Variants in KDM4C observed in about 807,000 individuals in gnomAD.
KDM4C encodes lysine demethylase 4C.
Under a neutral mutation model 129.3 loss-of-function variants are expected in KDM4C, and 81 were observed. The observed-to-expected ratio is 0.63, with a 90% CI of 0.52 to 0.75. The LOEUF (loss-of-function observed/expected upper bound fraction) is 0.75, where lower values mean the gene tolerates loss of function less well. Among genes scored for constraint, KDM4C ranks in the 30% least tolerant of loss-of-function variants. The pLI, the probability that KDM4C is intolerant of heterozygous loss-of-function variation, is 0.00. For missense variants in KDM4C, 1,457 were observed against 1,304.0 expected, an observed-to-expected ratio of 1.12 and a Z score of -1.81; for synonymous variants, 573 against 456.1, an observed-to-expected ratio of 1.26 and a Z score of -3.26.
At chr9:6,911,219 G>C (rs1819244693) in intron 8 of KDM4C, among the ~76,000 whole-genome samples, 1 of 151,990 alleles carries the variant, frequency 6.6e-6, no homozygotes, top group African/African-American at 2.4e-5. Context: ...ATCACTTAGA[G>C]GATGAGGGAA....
intron 1 of KDM4C, among the ~76,000 whole-genome samples, chr9:6,779,341 A>T (rs1470075032): frequency 1.4e-5 from 2 of 143,674 alleles, no homozygotes; most frequent in Admixed American, 7.2e-5. Context: ...ATATGAAAAG[A>T]CTTAGATTCA....
At chr9:6,752,202 GC>G (rs1194498181) in intron 1 of KDM4C, among the ~76,000 whole-genome samples, 3 of 150,238 alleles carry the variant, frequency 2.0e-5, no homozygotes, top group Admixed American at 2.0e-4. Context: ...GCATGGTGGC[GC>G]GCGCCTGTAG....
intron 17 of KDM4C, among the ~76,000 whole-genome samples, chr9:7,062,456 T>A (rs907740712): frequency 1.3e-5 from 2 of 152,166 alleles, no homozygotes; most frequent in Non-Finnish European, 2.9e-5. Context: ...GGTGCAGTCA[T>A]GGCTCACTGC....
At chr9:7,077,392 T>A (rs1253905620) in intron 17 of KDM4C, 1 of 202,866 alleles carries the variant, frequency 4.9e-6, no homozygotes, top group African/African-American at 2.4e-5. Flanking sequence ...GCATGCTATT[T>A]AGCATTTATC....
intron 5 of KDM4C, among the ~76,000 whole-genome samples, chr9:6,876,672 T>C (rs1233571554): frequency 6.6e-6 from 1 of 152,180 alleles, no homozygotes; most frequent in Non-Finnish European, 1.5e-5. Flanking sequence ...GGTGTAGGGT[T>C]AGCAGGGGTG....
chr9:7,135,304 T>G (rs1841079346), intron 19 of KDM4C, among the ~76,000 whole-genome samples: 1 of 152,194 alleles, frequency 6.6e-6, no homozygotes, highest in Non-Finnish European at 1.5e-5. Flanking sequence ...TTTTCTGTGC[T>G]GGCAGTTATC....
Position 6,840,116 on chromosome 9 carries a change from A to C in KDM4C, c.436-9391A>C, listed in dbSNP as rs557983316. Among the ~76,000 whole-genome samples the C allele has an allele frequency of 5.3e-5, 8 of 152,164 alleles. No individual in the cohort carries two copies. In the East Asian group the frequency reaches 1.6e-3, roughly 30 times the overall value. On this transcript the variant is annotated intron_variant, in intron 4 of 21. Coordinates refer to ENST00000381309, the MANE Select transcript of KDM4C (RefSeq NM_015061.6). ...GGAGACAGGTCTCACTCTGTCACCC[A>C]GGCTGGAGTGCAGTGCCACAATCAT... is the stretch of plus-strand genomic sequence containing the variant.
intron 10 of KDM4C, among the ~76,000 whole-genome samples, chr9:6,984,838 C>T (rs1384875181): frequency 1.3e-5 from 2 of 152,116 alleles, no homozygotes; most frequent in Non-Finnish European, 2.9e-5. Flanking sequence ...GAAAAGTCAA[C>T]CTAGTGAAAT....
intron 8 of KDM4C, among the ~76,000 whole-genome samples, chr9:6,923,585 G>T (rs111624873): frequency 0.034 from 5,216 of 152,222 alleles, 130 homozygotes; most frequent in African/African-American, 0.067. Context: ...TTTGCCGAGG[G>T]ATCATCAAGA....
At chr9:6,949,341 A>C (rs1827656321) in intron 8 of KDM4C, among the ~76,000 whole-genome samples, 1 of 143,240 alleles carries the variant, frequency 7.0e-6, no homozygotes, top group Admixed American at 6.9e-5. Context: ...GGCGGCCGGG[A>C]AGAGGCGCTC....
At chr9:6,990,655 TAATA>T in intron 12 of KDM4C, 131 bp downstream of exon 12, 1 of 607,910 alleles carries the variant, frequency 1.6e-6, no homozygotes, top group South Asian at 2.1e-5. Context: ...AGATCATACA[TAATA>T]AATAATTTAC....
At chr9:7,078,064 G>T (rs1028629695) in intron 17 of KDM4C, among the ~76,000 whole-genome samples, 2 of 152,126 alleles carry the variant, frequency 1.3e-5, no homozygotes, top group African/African-American at 4.8e-5. Flanking sequence ...AAAAATTAAA[G>T]ACAAATTATA....
At chr9:6,765,530 G>C (rs1352164857) in intron 1 of KDM4C, among the ~76,000 whole-genome samples, 1 of 152,110 alleles carries the variant, frequency 6.6e-6, no homozygotes, top group Non-Finnish European at 1.5e-5. Flanking sequence ...GATTCTACAA[G>C]GGCAGAGACC....
chr9:6,890,000 G>A (rs1418883548), intron 7 of KDM4C, among the ~76,000 whole-genome samples: 1 of 151,950 alleles, frequency 6.6e-6, no homozygotes, highest in Non-Finnish European at 1.5e-5. Flanking sequence ...AAAGTGGCGA[G>A]ATGAATTTAA....
chr9:6,961,816 G>C (rs1030583987), intron 8 of KDM4C, among the ~76,000 whole-genome samples: 3 of 151,966 alleles, frequency 2.0e-5, no homozygotes, highest in African/African-American at 7.3e-5. Flanking sequence ...CCATATTATT[G>C]CATCTTCTCA....
At chr9:6,820,717 T>C (rs1395355257) in intron 4 of KDM4C, among the ~76,000 whole-genome samples, 742 of 37,630 alleles carry the variant, frequency 0.02, 5 homozygotes, top group African/African-American at 0.062. Context: ...TCTCTCTCTT[T>C]TTTTTTTTTT....
At chr9:7,152,580 G>C (rs984262771) in intron 19 of KDM4C, among the ~76,000 whole-genome samples, 1 of 152,218 alleles carries the variant, frequency 6.6e-6, no homozygotes, top group Non-Finnish European at 1.5e-5. Flanking sequence ...AATGAGTGCA[G>C]AGTTTCTGTT....
chr9:7,068,686 C>CTTTTTTTTTTTTTTTTTTTTTTTTTTTTT (rs542039227), intron 17 of KDM4C, among the ~76,000 whole-genome samples: 1 of 101,766 alleles, frequency 9.8e-6, no homozygotes, highest in African/African-American at 3.9e-5. Context: ...GATGCCCTTT[C>CTTTTTTTTTTTTTTTTTTTTTTTTTTTTT]TTTTTTTTTT....
At chr9:6,761,649 T>C (rs950307479) in intron 1 of KDM4C, among the ~76,000 whole-genome samples, 1 of 152,156 alleles carries the variant, frequency 6.6e-6, no homozygotes, top group African/African-American at 2.4e-5. Flanking sequence ...GCACAGTCTT[T>C]ATACTGCTCA....
Sources: gnomAD v4.1 joint callset for allele counts (sites outside exome capture counted in the v4.1 genomes callset) on GRCh38, gnomAD v4.1.1 for gene constraint, MANE v1.5 for transcripts, NCBI Gene and HGNC (gene_info 2026-07-23, HGNC 2026-07-21) for gene names.